NELL2: variants seen among roughly 807,000 people sequenced by gnomAD.
The protein encoded by NELL2 is protein kinase C-binding protein NELL2.
NELL2 carries 41 observed loss-of-function variants against 109.6 expected under a neutral mutation model. That is an observed-to-expected ratio of 0.37 (90% confidence interval 0.29 to 0.49). NELL2 has a LOEUF of 0.49. NELL2 is among the 20% of genes least tolerant of loss of function. The probability of loss-of-function intolerance (pLI) is 0.98; values close to 1 mark genes in which losing one functional copy is unlikely to be tolerated. For synonymous variants in NELL2, 355 were observed against 344.7 expected, an observed-to-expected ratio of 1.03 and a Z score of -0.33; for missense variants, 900 against 1,008.3, an observed-to-expected ratio of 0.89 and a Z score of 1.45.
chr12:44,697,644 G>C (rs1949105829), intron 12 of NELL2, among the ~76,000 whole-genome samples: 1 of 152,106 alleles, frequency 6.6e-6, no homozygotes, highest in Admixed American at 6.5e-5. Context: ...AGTCAGATAA[G>C]ATAAAAAGAG....
intron 2 of NELL2, among the ~76,000 whole-genome samples, chr12:44,860,526 T>C (rs1464690834): frequency 1.3e-5 from 2 of 152,142 alleles, no homozygotes; most frequent in African/African-American, 4.8e-5. Context: ...TTCTTGCTTT[T>C]TACAGCTTCT....
At chr12:44,765,931 C>T (rs12823553) in intron 9 of NELL2, among the ~76,000 whole-genome samples, 7 of 152,010 alleles carry the variant, frequency 4.6e-5, no homozygotes, top group East Asian at 1.9e-4. Flanking sequence ...ACCAGACTGG[C>T]CAAAATGGCC....
intron 14 of NELL2, among the ~76,000 whole-genome samples, chr12:44,607,723 G>C (rs1945457766): frequency 6.6e-6 from 1 of 152,082 alleles, no homozygotes; most frequent in African/African-American, 2.4e-5. Context: ...AGTAGGAAAT[G>C]TTCCATCCTT....
At chr12:44,748,694 G>A (rs765937815) in intron 9 of NELL2, among the ~76,000 whole-genome samples, 10 of 152,126 alleles carry the variant, frequency 6.6e-5, no homozygotes, top group Admixed American at 5.2e-4. Flanking sequence ...CAGTCAGGCA[G>A]CTTTGGCTTA....
intron 15 of NELL2, among the ~76,000 whole-genome samples, chr12:44,548,240 A>G (rs538536561): frequency 6.6e-6 from 1 of 152,310 alleles, no homozygotes; most frequent in South Asian, 2.1e-4. Context: ...AATTTAAGCT[A>G]TTGTATTTCT....
chr12:44,875,900 T>C lies in NELL2; in HGVS notation c.-31A>G. 6.2e-7 allele frequency: 1 copy of C among 1,613,550 alleles called. No homozygotes were observed. The highest frequency in any genetic ancestry group is 8.5e-7 in the Non-Finnish European group (1 of 1,180,010). Reference sequence around the variant, plus strand: ...GGATCAGCTCAGTCCATCGTCTCCCTCTTTAAAAATAAAAATAAAAATCGA... The same window carrying C: ...GGATCAGCTCAGTCCATCGTCTCCCCCTTTAAAAATAAAAATAAAAATCGA... On this transcript the variant is annotated 5_prime_UTR_variant, in exon 1 of 20. Transcript: ENST00000429094.
intron 3 of NELL2, among the ~76,000 whole-genome samples, chr12:44,814,895 A>G (rs1943291397): frequency 6.6e-6 from 1 of 152,204 alleles, no homozygotes; most frequent in African/African-American, 2.4e-5. Flanking sequence ...AGAGATTTAT[A>G]CCCATGCTTG....
At chr12:44,882,358 T>A (rs1171429743) in intron 1 of NELL2, among the ~76,000 whole-genome samples, 1 of 151,634 alleles carries the variant, frequency 6.6e-6, no homozygotes, top group African/African-American at 2.4e-5. Context: ...TATACACATA[T>A]GTATATATGT....
chr12:44,870,093 T>C (rs575635599), intron 2 of NELL2, among the ~76,000 whole-genome samples: 1 of 152,164 alleles, frequency 6.6e-6, no homozygotes, highest in Non-Finnish European at 1.5e-5. Context: ...GGGTCCCCTT[T>C]CCTTCAGTTT....
chr12:44,803,333 G>T (rs1161168760), intron 3 of NELL2, among the ~76,000 whole-genome samples: 1 of 152,012 alleles, frequency 6.6e-6, no homozygotes, highest in African/African-American at 2.4e-5. Flanking sequence ...TTTGAATGGG[G>T]TCTGTAGATT....
chr12:44,921,028 C>T (rs1422213943), intron 1 of NELL2, among the ~76,000 whole-genome samples: 1 of 152,038 alleles, frequency 6.6e-6, no homozygotes, highest in Admixed American at 6.5e-5. Context: ...CATTTGAGAT[C>T]CTAATCTACG....
Position 44,648,731 on chromosome 12 carries a change from A to T in NELL2, c.1444+16753T>A, listed in dbSNP as rs200067655. 6.7e-3 allele frequency among the ~76,000 whole-genome samples: 600 copies of T among 89,708 alleles called. 5 individuals are homozygous for T. The highest frequency in any genetic ancestry group is 0.012 in the Admixed American group (88 of 7,234). 58.9% of individuals were successfully genotyped at this position (89,708 alleles called of 152,430 possible). ...CCATCATATATATATATATATATAT[A>T]TTTTTTTTTTTTTTTTTTTTTTGAG... On this transcript the variant is annotated intron_variant, in intron 13 of 19. Transcript: ENST00000429094.
intron 13 of NELL2, among the ~76,000 whole-genome samples, chr12:44,654,795 G>A (rs1461929491): frequency 6.6e-6 from 1 of 152,128 alleles, no homozygotes; most frequent in African/African-American, 2.4e-5. Context: ...GCAGCGAGGC[G>A]AGGCAATGTC....
intron 1 of NELL2, among the ~76,000 whole-genome samples, chr12:44,890,319 C>G (rs1378542249): frequency 6.6e-6 from 1 of 152,152 alleles, no homozygotes; most frequent in Non-Finnish European, 1.5e-5. Context: ...GCGCTAAGTA[C>G]AGGACTTGCC....
intron 3 of NELL2, among the ~76,000 whole-genome samples, chr12:44,785,773 T>C (rs1280427894): frequency 6.6e-6 from 1 of 152,014 alleles, no homozygotes. Context: ...AAACAAGCAA[T>C]AGGGAAAGGA....
intron 9 of NELL2, among the ~76,000 whole-genome samples, chr12:44,715,091 A>C (rs1938415884): frequency 6.6e-6 from 1 of 151,900 alleles, no homozygotes; most frequent in Non-Finnish European, 1.5e-5. Context: ...GCAATAAATC[A>C]GGGGTAATAT....
At chr12:44,619,852 T>G (rs1277698023) in intron 13 of NELL2, among the ~76,000 whole-genome samples, 1 of 152,132 alleles carries the variant, frequency 6.6e-6, no homozygotes, top group Non-Finnish European at 1.5e-5. Context: ...CTCATTCACT[T>G]TACACATCCA....
In NELL2 at chr12:44,652,193, T is replaced by C. The variant is rs139372120; in HGVS notation, c.1444+13291A>G. Among the ~76,000 whole-genome samples the C allele has an allele frequency of 2.1e-3, 317 of 152,298 alleles. 1 individual carries two copies. The highest frequency in any genetic ancestry group is 3.4e-3 in the Non-Finnish European group (232 of 68,022). On this transcript the variant is annotated intron_variant, in intron 13 of 19. Coordinates refer to ENST00000429094, the MANE Select transcript of NELL2 (RefSeq NM_001145108.2). ...ATTCTGGAGATTGTGACAACAACGA[T>C]ACCCCCAATAACCATGTAAATCTAC...
chr12:44,774,887 G>A (rs948622962), intron 8 of NELL2, 38 bp from the exon 9 acceptor site: 1 of 1,485,688 alleles, frequency 6.7e-7, no homozygotes. Flanking sequence ...TTCCATGTTA[G>A]AGTTTAGTAG....
Sources: allele counts gnomAD v4.1 joint callset (sites outside exome capture counted in the v4.1 genomes callset), GRCh38; gene constraint gnomAD v4.1.1; transcripts MANE v1.5; gene names NCBI Gene and HGNC (gene_info 2026-07-23, HGNC 2026-07-21).